The following SLCO2A1 variants were observed in gnomAD, a reference collection of about 807,000 sequenced individuals.
The protein encoded by SLCO2A1 is matrin F/G 1.
A neutral mutation model predicts 71.7 loss-of-function variants in SLCO2A1; 60 were observed. The ratio of observed to expected loss-of-function variants is 0.84; its 90% CI spans 0.68 to 1.04. SLCO2A1 has a LOEUF of 1.04. SLCO2A1 is among the 50% of genes least tolerant of loss of function. SLCO2A1 has a pLI of 0.00. For synonymous variants in SLCO2A1, 308 were observed against 326.7 expected, an observed-to-expected ratio of 0.94 and a Z score of 0.62; for missense variants, 745 against 813.4, an observed-to-expected ratio of 0.92 and a Z score of 1.02.
At chr3:133,995,073 G>A (rs1354288991) in intron 1 of SLCO2A1, among the ~76,000 whole-genome samples, 1 of 152,098 alleles carries the variant, frequency 6.6e-6, no homozygotes, top group African/African-American at 2.4e-5. Context: ...CAAGCTAGGT[G>A]CACCCGAGGG....
Position 133,935,916 on chromosome 3 carries a change from A to G in SLCO2A1, c.1691-19T>C, listed in dbSNP as rs1335937008. ...AGCCAGGCTGGAAGAGGGTTCAGAA[A>G]GCCCTGGTCAGGTGGAACTGCAGGC... On this transcript the variant is annotated intron_variant, in intron 12 of 13. Transcript: ENST00000310926. 6.4e-7 allele frequency: 1 copy of G among 1,565,382 alleles called. No homozygotes were observed.
At chr3:133,969,220 A>G (rs985214112) in intron 3 of SLCO2A1, among the ~76,000 whole-genome samples, 1 of 152,194 alleles carries the variant, frequency 6.6e-6, no homozygotes, top group Non-Finnish European at 1.5e-5. Context: ...TCACAAGGTC[A>G]GGAGTTCGAG....
At chr3:133,949,514 C>T (rs1192120673) in intron 6 of SLCO2A1, among the ~76,000 whole-genome samples, 1 of 152,188 alleles carries the variant, frequency 6.6e-6, no homozygotes, top group African/African-American at 2.4e-5. Context: ...CCCCAGGGAA[C>T]CTTCCTACCT....
At chr3:134,029,387 C>G (rs1935771324) in intron 1 of SLCO2A1, among the ~76,000 whole-genome samples, 1 of 152,188 alleles carries the variant, frequency 6.6e-6, no homozygotes, top group Non-Finnish European at 1.5e-5. Flanking sequence ...ACAATTCTCT[C>G]GCTTATAACT....
chr3:133,966,893 G>A (rs975265925), intron 3 of SLCO2A1, among the ~76,000 whole-genome samples: 2 of 152,192 alleles, frequency 1.3e-5, no homozygotes, highest in East Asian at 3.9e-4. Context: ...GGGACCTCAA[G>A]GCATCTTGCA....
In SLCO2A1 at chr3:133,948,633, G is replaced by A. The variant is rs758659655; in HGVS notation, c.1008C>T (p.Cys336=). 9 of 1,614,056 alleles carry A rather than the reference G, an allele frequency of 5.6e-6. No homozygotes were observed. Among genetic ancestry groups the A allele is most frequent in the Admixed American group, 3.3e-5 (2 of 60,002 alleles). The change falls in exon 8 of 14, where the codon TGC becomes TGT. Residue 336 remains cysteine, a synonymous_variant. Transcript: ENST00000310926. ...GGCCAGCAATGACGGAGGAGAAGGT[G>A]CACTGGGCCAGGACCACCAGGACGA... The part of the protein sequence containing the change: ...SLFVLVVLAQ[C]TFSSVIAGLS...
At chr3:134,020,746 C>T (rs1935557671) in intron 1 of SLCO2A1, among the ~76,000 whole-genome samples, 1 of 151,216 alleles carries the variant, frequency 6.6e-6, no homozygotes, top group Non-Finnish European at 1.5e-5. Flanking sequence ...AACTTGCCCA[C>T]TCCATTTGAG....
At position 133,951,114 on chromosome 3, in the gene SLCO2A1, A is replaced by C. The variant is rs747855146; in HGVS notation, c.861+94T>G. 7.8e-6 allele frequency: 12 copies of C among 1,535,410 alleles called. No individual in the cohort carries two copies. The African/African-American group carries it at 1.4e-4, about 17-fold the overall frequency. On this transcript the variant is annotated intron_variant, in intron 6 of 13. Transcript: ENST00000310926. The stretch of plus-strand genomic sequence containing the variant: ...TTTAGATTTCACCCTGAATTTGCTT[A>C]ACATGCTGCAGCTTTTTAGCTCTAT...
chr3:133,947,381 A>G lies in SLCO2A1; in HGVS notation c.1170T>C (p.Phe390=). The G allele has an allele frequency of 6.2e-7, 1 of 1,614,144 alleles. No homozygotes were observed. The highest frequency in any genetic ancestry group is 8.5e-7 in the Non-Finnish European group (1 of 1,180,026). The change falls in exon 9 of 14, where the codon TTT becomes TTC. Residue 390 remains phenylalanine (F), a synonymous_variant. Coordinates refer to ENST00000310926, the MANE Select transcript of SLCO2A1 (RefSeq NM_005630.3). ...GGGGAATGGCTTGTAGAGAGAAAACAAAGCGCTTCATGAGGATTCCTCCAA... is the reference window on the plus strand; with the variant it reads ...GGGGAATGGCTTGTAGAGAGAAAACGAAGCGCTTCATGAGGATTCCTCCAA... ...MLFGGILMKR[F]VFSLQAIPRI... is the part of the protein sequence containing the mutation.
chr3:133,946,137 C>T (rs775042360), intron 9 of SLCO2A1, among the ~76,000 whole-genome samples: 3 of 151,884 alleles, frequency 2.0e-5, no homozygotes, highest in African/African-American at 4.8e-5. Flanking sequence ...GCAGAAGTGC[C>T]GTACAGACTA....
intron 12 of SLCO2A1, among the ~76,000 whole-genome samples, 183 bp downstream of exon 12, chr3:133,938,246 C>T (rs927072637): frequency 1.3e-5 from 2 of 152,164 alleles, no homozygotes; most frequent in Middle Eastern, 3.2e-3. Context: ...TGGAGTCTTT[C>T]CTAACCTCAA....
rs1231912055 is a variant in SLCO2A1, at chr3:133,948,651, C to A, written c.990G>T (p.Leu330=). Residue 330 remains leucine, a synonymous_variant, in exon 8 of 14, where the codon CTG becomes CTT. Coordinates refer to ENST00000310926, the MANE Select transcript of SLCO2A1 (RefSeq NM_005630.3). ...LRLLMNSLFV[L]VVLAQCTFSS... is the part of the protein sequence containing the mutation. ...AGAAGGTGCACTGGGCCAGGACCAC[C>A]AGGACGAAGAGTGAGTTCATCAGGA... 6.2e-7 allele frequency: 1 copy of A among 1,614,160 alleles called. No individual in the cohort carries two copies. Among genetic ancestry groups the A allele is most frequent in the South Asian group, 1.1e-5 (1 of 91,072 alleles).
chr3:134,022,939 C>T (rs184090423), intron 1 of SLCO2A1, among the ~76,000 whole-genome samples: 1 of 152,274 alleles, frequency 6.6e-6, no homozygotes, highest in Non-Finnish European at 1.5e-5. Context: ...GTTTATCTTC[C>T]ACTTTCCTTT....
chr3:133,942,713 G>C lies in SLCO2A1; in HGVS notation c.1517C>G (p.Ser506Trp). The C allele has an allele frequency of 1.9e-6, 3 of 1,613,628 alleles. No individual in the cohort carries two copies. The highest frequency in any genetic ancestry group is 2.2e-5 in the East Asian group (1 of 44,860). ...GAAGTGGGCACAGGGGACAGGGCAC[G>C]ATCCTGTCTTTGCTGAAGCGGATCC... ...TGGSASAKTG[S>W]CPVPCAHFLL... Residue 506 changes from serine to tryptophan, a missense_variant, in exon 11 of 14, where the codon TCG becomes TGG. By Grantham distance (177) the Ser-to-Trp change is radical. Coordinates refer to ENST00000310926, the MANE Select transcript of SLCO2A1 (RefSeq NM_005630.3).
rs1221478254 is a variant in SLCO2A1 at position 133,947,251 on chromosome 3, A to G, written c.1295+5T>C. 4.3e-6 allele frequency: 7 copies of G among 1,613,436 alleles called. No individual in the cohort carries two copies. The Admixed American group carries it at 1.0e-4, about 23-fold the overall frequency. On this transcript the variant is annotated splice_donor_5th_base_variant and intron_variant, in intron 9 of 13. Transcript: ENST00000310926. ...GGGGATCTCTCTACCCCTTATTCCCATTACCTAGGGGGGTAGACTTCGGCC... is the reference window on the plus strand; with the variant it reads ...GGGGATCTCTCTACCCCTTATTCCCGTTACCTAGGGGGGTAGACTTCGGCC...
In SLCO2A1 at chr3:134,022,112, A is replaced by G. The variant is rs138677790; in HGVS notation, c.96+7595T>C. On this transcript the variant is annotated intron_variant, in intron 1 of 13. Coordinates refer to ENST00000310926, the MANE Select transcript of SLCO2A1 (RefSeq NM_005630.3). ...GAGGAGGGGCGGAATTTATGTAAAA[A>G]GAGTATTATATGGTAAATTCTTGTC... Among the ~76,000 whole-genome samples, 1,498 of 152,114 alleles carry G rather than the reference A, an allele frequency of 9.8e-3. 13 individuals are homozygous for G. Among genetic ancestry groups the G allele is most frequent in the Non-Finnish European group, 0.017 (1,153 of 68,000 alleles).
At chr3:133,987,353 G>A (rs1412660965) in intron 1 of SLCO2A1, among the ~76,000 whole-genome samples, 1 of 151,762 alleles carries the variant, frequency 6.6e-6, no homozygotes, top group Non-Finnish European at 1.5e-5. Flanking sequence ...GAAGCCAGCC[G>A]GCTACCTGGA....
At chr3:134,023,538 C>T (rs1935638877) in intron 1 of SLCO2A1, among the ~76,000 whole-genome samples, 1 of 152,264 alleles carries the variant, frequency 6.6e-6, no homozygotes, top group African/African-American at 2.4e-5. Context: ...AAGTCTTGCC[C>T]CCCGATGTAG....
chr3:133,940,646 G>A (rs1248653969), intron 11 of SLCO2A1, among the ~76,000 whole-genome samples: 1 of 152,104 alleles, frequency 6.6e-6, no homozygotes, highest in African/African-American at 2.4e-5. Context: ...CTGACCCAAG[G>A]TGCAAGAAGG....
Sources: allele counts gnomAD v4.1 joint callset (sites outside exome capture counted in the v4.1 genomes callset), GRCh38; gene constraint gnomAD v4.1.1; transcripts MANE v1.5; gene names NCBI Gene and HGNC (gene_info 2026-07-23, HGNC 2026-07-21).